The following EPHX2 variants were observed in gnomAD, a reference collection of about 807,000 sequenced individuals.
EPHX2 encodes bifunctional epoxide hydrolase 2.
In EPHX2, 74 loss-of-function variants were observed where a neutral mutation model predicts 78.7. The ratio of observed to expected loss-of-function variants is 0.94; its 90% CI spans 0.78 to 1.14. The LOEUF (loss-of-function observed/expected upper bound fraction) is 1.14, where lower values mean the gene tolerates loss of function less well. Ranked by LOEUF, EPHX2 falls within the 50% of genes most tolerant of loss-of-function variation. The pLI is 0.00. For missense variants in EPHX2, 715 were observed against 702.5 expected, an observed-to-expected ratio of 1.02 and a Z score of -0.20; for synonymous variants, 251 against 255.2, an observed-to-expected ratio of 0.98 and a Z score of 0.16.
rs554764124 is a variant in EPHX2 at position 27,493,502 on chromosome 8, G to A, written c.101+2193G>A. ...TCTGAGAAATCCTTTGAGAGTGTATGGTAGTAGGATAATGAAGTAGTTAAA... is the reference window on the plus strand; with the variant it reads ...TCTGAGAAATCCTTTGAGAGTGTATAGTAGTAGGATAATGAAGTAGTTAAA... On this transcript the variant is annotated intron_variant, in intron 1 of 18. Coordinates refer to ENST00000521400, the MANE Select transcript of EPHX2 (RefSeq NM_001979.6). Among the ~76,000 whole-genome samples the A allele has an allele frequency of 2.0e-3, 300 of 152,294 alleles. 1 individual carries two copies. The highest frequency in any genetic ancestry group is 6.7e-3 in the African/African-American group (280 of 41,558).
At chr8:27,515,185 C>G (rs1374100606) in intron 6 of EPHX2, among the ~76,000 whole-genome samples, 1 of 151,056 alleles carries the variant, frequency 6.6e-6, no homozygotes, top group Non-Finnish European at 1.5e-5. Flanking sequence ...CAGAGAGTCC[C>G]TGTTCCCCGT....
In EPHX2 at chr8:27,544,499, C is replaced by A; in HGVS notation, c.1645C>A (p.Pro549Thr). Reference protein sequence around the residue: ...IKWLDSDARNPPVVSKM With the variant: ...IKWLDSDARNTPVVSKM ...GTGGCTGGATTCTGATGCCCGGAACCCACCGGTGGTCTCAAAGATGTAGAA... is the reference window on the plus strand; with the variant it reads ...GTGGCTGGATTCTGATGCCCGGAACACACCGGTGGTCTCAAAGATGTAGAA... The change falls in exon 19 of 19, where the codon CCA becomes ACA. Residue 549 changes from proline to threonine, a missense_variant. Transcript: ENST00000521400. 1 of 1,613,968 alleles carries A rather than the reference C, an allele frequency of 6.2e-7. No homozygotes were observed. Among genetic ancestry groups the A allele is most frequent in the Non-Finnish European group, 8.5e-7 (1 of 1,180,028 alleles).
intron 9 of EPHX2, among the ~76,000 whole-genome samples, chr8:27,520,270 A>T (rs1178892395): frequency 6.6e-6 from 1 of 151,198 alleles, no homozygotes; most frequent in Non-Finnish European, 1.5e-5. Flanking sequence ...AGTTCAAGCG[A>T]TTCTCCTGCC....
intron 16 of EPHX2, among the ~76,000 whole-genome samples, chr8:27,542,512 TATC>T (rs1364710415): frequency 6.6e-6 from 1 of 152,180 alleles, no homozygotes; most frequent in Non-Finnish European, 1.5e-5. Flanking sequence ...TCCTTGTCAT[TATC>T]ATCATATGAC....
chr8:27,536,577 G>C (rs749325566), intron 12 of EPHX2, among the ~76,000 whole-genome samples: 2 of 152,148 alleles, frequency 1.3e-5, no homozygotes, highest in Non-Finnish European at 2.9e-5. Flanking sequence ...TGCCTCCCGT[G>C]GGGAACTACA....
chr8:27,503,518 G>A (rs866701592), intron 2 of EPHX2, 86 bp from the exon 3 acceptor site: 2 of 1,421,768 alleles, frequency 1.4e-6, no homozygotes, highest in Non-Finnish European at 1.9e-6. Flanking sequence ...CTTGGTCACA[G>A]GGAATGTATA....
intron 6 of EPHX2, among the ~76,000 whole-genome samples, chr8:27,512,329 A>AGG (rs1814283074): frequency 6.6e-6 from 1 of 152,226 alleles, no homozygotes; most frequent in Non-Finnish European, 1.5e-5. Context: ...AAGCATGCAC[A>AGG]CAGCTGGCCT....
rs72475863 is a variant in EPHX2 at position 27,519,338 on chromosome 8, C to T, written c.945+1266C>T. Among the ~76,000 whole-genome samples, 738 of 152,288 alleles carry T rather than the reference C, an allele frequency of 4.8e-3. 10 individuals are homozygous for T. Among genetic ancestry groups the T allele is most frequent in the African/African-American group, 0.017 (703 of 41,564 alleles). On this transcript the variant is annotated intron_variant, in intron 9 of 18. Transcript: ENST00000521400. Reference sequence around the variant, plus strand: ...TCAGTGGGAATGATCCCTCAAAAGACGATGCTTAGCAAAAGAAGCCAGTTT... The same window carrying T: ...TCAGTGGGAATGATCCCTCAAAAGATGATGCTTAGCAAAAGAAGCCAGTTT...
At chr8:27,504,679 A>G (rs1274816115) in intron 3 of EPHX2, among the ~76,000 whole-genome samples, 1 of 152,140 alleles carries the variant, frequency 6.6e-6, no homozygotes, top group Non-Finnish European at 1.5e-5. Flanking sequence ...TGAATGTATA[A>G]GTGCTGCTCC....
At position 27,500,947 on chromosome 8, in the gene EPHX2, C is replaced by A; in HGVS notation, c.123C>A (p.Phe41Leu). 6.2e-7 allele frequency: 1 copy of A among 1,613,250 alleles called. No homozygotes were observed. Among genetic ancestry groups the A allele is most frequent in the Non-Finnish European group, 8.5e-7 (1 of 1,179,634 alleles). Reference sequence around the variant, plus strand: ...CCAGAGGACTTCTGAATGATGCTTTCCAGAAAGGGGGACCAGAGGGTGCCA... The same window carrying A: ...CCAGAGGACTTCTGAATGATGCTTTACAGAAAGGGGGACCAGAGGGTGCCA... ...ALPRGLLNDAFQKGGPEGATT... is the reference protein window; with the variant it reads ...ALPRGLLNDALQKGGPEGATT... The change falls in exon 2 of 19, where the codon TTC (phenylalanine) becomes TTA (leucine). Residue 41 changes from phenylalanine to leucine, a missense_variant. Phe to Leu is a conservative substitution (Grantham distance 22). Transcript: ENST00000521400.
At chr8:27,498,633 C>T (rs934625858) in intron 1 of EPHX2, among the ~76,000 whole-genome samples, 1 of 152,158 alleles carries the variant, frequency 6.6e-6, no homozygotes, top group African/African-American at 2.4e-5. Context: ...TGAATAGCAT[C>T]ATATTTTTCC....
intron 2 of EPHX2, among the ~76,000 whole-genome samples, chr8:27,501,339 CTT>C (rs1813769955): frequency 9.2e-6 from 1 of 108,902 alleles, no homozygotes; most frequent in South Asian, 3.2e-4. Flanking sequence ...TCTTCTTCTT[CTT>C]CTTCTTCTTC....
chr8:27,525,465 C>T lies in EPHX2; in HGVS notation c.1162C>T (p.Gln388Ter). 6.2e-7 allele frequency: 1 copy of T among 1,613,522 alleles called. No homozygotes were observed. The highest frequency in any genetic ancestry group is 1.1e-5 in the South Asian group (1 of 91,062). The change falls in exon 12 of 19, where the codon CAA becomes TAA. Residue 388 changes from glutamine (Q) to a stop codon, truncating the protein, a stop_gained. Transcript: ENST00000521400. LOFTEE classifies it high-confidence loss of function. ...NPVFDYQLYF[Q>*]EPGVAEAELE... is the part of the protein sequence containing the mutation. ...AGTATTTGATTACCAGCTCTACTTC[C>T]AAGAACCAGTAAGTATGGCACCAAG... is the stretch of plus-strand genomic sequence containing the variant.
At chr8:27,508,321 A>AC (rs58207382) in intron 5 of EPHX2, among the ~76,000 whole-genome samples, 73 of 151,936 alleles carry the variant, frequency 4.8e-4, no homozygotes, top group African/African-American at 1.6e-3. Flanking sequence ...AAACAAACAA[A>AC]AAAGTATTGG....
At chr8:27,536,876 C>A in intron 13 of EPHX2, 21 bp downstream of exon 13, 1 of 1,613,126 alleles carries the variant, frequency 6.2e-7, no homozygotes, top group Non-Finnish European at 8.5e-7. Context: ...GGGATGGGTG[C>A]AGAAGAACAG....
intron 2 of EPHX2, among the ~76,000 whole-genome samples, chr8:27,501,382 TTCTTC>T (rs1325405583): frequency 7.1e-4 from 81 of 114,472 alleles, no homozygotes; most frequent in Non-Finnish European, 8.3e-4. Context: ...CTTCTTCTTC[TTCTTC>T]TTCTTCTTTC....
intron 16 of EPHX2, among the ~76,000 whole-genome samples, 189 bp from the exon 17 acceptor site, chr8:27,543,560 A>C (rs900592861): frequency 1.3e-5 from 2 of 152,114 alleles, no homozygotes; most frequent in African/African-American, 4.8e-5. Context: ...CATAAGACCC[A>C]TATTGGCCTC....
intron 8 of EPHX2, 88 bp downstream of exon 8, chr8:27,516,486 A>G: frequency 8.3e-7 from 1 of 1,204,732 alleles, no homozygotes; most frequent in Non-Finnish European, 1.2e-6. Flanking sequence ...CCCTGGTCCC[A>G]GATCAGAGTA....
chr8:27,543,920 T>TGTCATG, intron 17 of EPHX2, 91 bp downstream of exon 17: 1 of 1,350,072 alleles, frequency 7.4e-7, no homozygotes. Flanking sequence ...AGATACACCT[T>TGTCATG]GTCATGTGGA....
Sources: allele counts gnomAD v4.1 joint callset (sites outside exome capture counted in the v4.1 genomes callset), GRCh38; gene constraint gnomAD v4.1.1; transcripts MANE v1.5; gene names NCBI Gene and HGNC (gene_info 2026-07-23, HGNC 2026-07-21).